The following CENPK variants were observed in gnomAD, a reference collection of about 807,000 sequenced individuals.
The protein encoded by CENPK is SoxLZ/Sox6-binding protein Solt.
A neutral mutation model predicts 40.9 loss-of-function variants in CENPK; 46 were observed. The ratio of observed to expected loss-of-function variants is 1.13; its 90% confidence interval spans 0.89 to 1.44. CENPK has a LOEUF of 1.44. Ranked by LOEUF, CENPK falls within the 40% of genes most tolerant of loss-of-function variation. The pLI is 0.00. For synonymous variants in CENPK, 107 were observed against 104.4 expected (o/e 1.02, Z -0.15); for missense variants, 288 against 303.5 (o/e 0.95, Z 0.38).
At chr5:65,546,501 C>A (rs1169231046) in intron 5 of CENPK, among the ~76,000 whole-genome samples, 1 of 152,176 alleles carries the variant, frequency 6.6e-6, no homozygotes, top group Non-Finnish European at 1.5e-5. Context: ...TTTGATATTG[C>A]AGAGAAGTCT....
At chr5:65,542,228 C>T (rs896172686) in intron 6 of CENPK, among the ~76,000 whole-genome samples, 3 of 152,104 alleles carry the variant, frequency 2.0e-5, no homozygotes, top group South Asian at 2.1e-4. Context: ...GGTCATTAAG[C>T]GATGTTTAAT....
intron 2 of CENPK, among the ~76,000 whole-genome samples, chr5:65,557,704 T>G (rs1751227661): frequency 6.6e-6 from 1 of 152,212 alleles, no homozygotes; most frequent in Admixed American, 6.5e-5. Context: ...TGCTGTGTCT[T>G]GTCTGAATTT....
downstream of CENPK, among the ~76,000 whole-genome samples, chr5:65,515,052 C>T (rs1742765944): frequency 6.6e-6 from 1 of 151,010 alleles, no homozygotes; most frequent in Non-Finnish European, 1.5e-5. Flanking sequence ...TTGATTTCTA[C>T]TCTATTTCTT....
chr5:65,533,635 A>G (rs1019300611), intron 6 of CENPK, among the ~76,000 whole-genome samples: 1 of 152,166 alleles, frequency 6.6e-6, no homozygotes, highest in Admixed American at 6.5e-5. Context: ...GATATGTAAA[A>G]CTGTGTTTGA....
Position 65,528,965 on chromosome 5 carries a change from G to T in CENPK, c.424C>A (p.Leu142Ile). 6.2e-7 allele frequency: 1 copy of T among 1,609,038 alleles called. No homozygotes were observed. The highest frequency in any genetic ancestry group is 8.5e-7 in the Non-Finnish European group (1 of 1,176,702). ...QQQIMESLNVLHSELKNKVET... is the reference protein window; with the variant it reads ...QQQIMESLNVIHSELKNKVET... ...ACCTTATTTTTCAATTCACTGTGTA[G>T]TACATTAAGAGATTCCATTATCTGT... Residue 142 changes from leucine (L) to isoleucine (I), a missense_variant, in exon 8 of 11, where the codon CTA (leucine) becomes ATA (isoleucine). Physicochemically the swap from Leu to Ile is conservative, Grantham distance 5. Transcript: ENST00000396679.
chr5:65,510,743 T>C, the CENPK span, among the ~76,000 whole-genome samples: 2 of 148,850 alleles, frequency 1.3e-5, no homozygotes, highest in Non-Finnish European at 3.0e-5. Flanking sequence ...GCCACTGCAC[T>C]CCAGCTTGGA....
chr5:65,533,750 T>A (rs1349854341), intron 6 of CENPK, among the ~76,000 whole-genome samples: 2 of 151,884 alleles, frequency 1.3e-5, no homozygotes, highest in African/African-American at 4.8e-5. Context: ...TAAATAAAAA[T>A]TGAAATTTAA....
intron 5 of CENPK, chr5:65,551,249 C>CAAAAAAA (rs58442174): frequency 5.3e-5 from 6 of 112,190 alleles, no homozygotes; most frequent in Admixed American, 1.7e-4. Flanking sequence ...GACCCTGTCT[C>CAAAAAAA]AAAAAAAAAA....
chr5:65,546,230 C>G lies in CENPK; in HGVS notation c.242-3382G>C, dbSNP rs375823337. ...ATGTTTTTGTTCTATTCTCCCCTGCCCCCCCGCTCAGGTGATCCACCAGCC... is the reference window on the plus strand; with the variant it reads ...ATGTTTTTGTTCTATTCTCCCCTGCGCCCCCGCTCAGGTGATCCACCAGCC... On this transcript the variant is annotated intron_variant, in intron 5 of 10. Transcript: ENST00000396679. Among the ~76,000 whole-genome samples, 134 of 127,590 alleles carry G rather than the reference C, an allele frequency of 1.1e-3. 1 individual carries two copies. The South Asian group carries it at 0.015, about 14-fold the overall frequency. 83.7% of individuals were successfully genotyped at this position (127,590 alleles called of 152,430 possible). A position where few individuals can be genotyped will look rare whatever the true frequency, so the allele number is the denominator to read the frequency against.
At chr5:65,517,083 A>C (rs576781573), downstream of CENPK, among the ~76,000 whole-genome samples, 1 of 152,178 alleles carries the variant, frequency 6.6e-6, no homozygotes, top group East Asian at 1.9e-4. Flanking sequence ...CTGGGATTAC[A>C]GGTGTGCACC....
rs535959505 is a variant in CENPK at position 65,521,174 on chromosome 5, T to A, written c.651+301A>T. ...ATACTAGATAACATCATTAAAAAAA[T>A]TTTTTCACCCTGTCAGCTCATGCCT... On this transcript the variant is annotated intron_variant, in intron 10 of 10. Coordinates refer to ENST00000396679, the MANE Select transcript of CENPK (RefSeq NM_022145.5). 2.4e-3 allele frequency among the ~76,000 whole-genome samples: 363 copies of A among 152,076 alleles called. 2 individuals carry two copies. The highest frequency in any genetic ancestry group is 8.4e-3 in the African/African-American group (348 of 41,486).
chr5:65,505,293 CT>C, the CENPK span, among the ~76,000 whole-genome samples: 1 of 152,114 alleles, frequency 6.6e-6, no homozygotes, highest in Non-Finnish European at 1.5e-5. Context: ...ACTATCCTTT[CT>C]CTTGGTATCT....
chr5:65,495,913 T>G, the CENPK span, among the ~76,000 whole-genome samples: 1 of 152,214 alleles, frequency 6.6e-6, no homozygotes, highest in Non-Finnish European at 1.5e-5. Flanking sequence ...CTGCTGGTGG[T>G]GGTATAAATT....
the CENPK span, among the ~76,000 whole-genome samples, chr5:65,508,522 T>C: frequency 2.0e-5 from 3 of 152,188 alleles, no homozygotes; most frequent in African/African-American, 7.2e-5. Flanking sequence ...CAGTGGCTCA[T>C]GCCTGTAAGC....
the CENPK span, among the ~76,000 whole-genome samples, chr5:65,508,771 G>C: frequency 7.9e-6 from 1 of 126,610 alleles, no homozygotes; most frequent in African/African-American, 3.0e-5. Flanking sequence ...GGGTGCGACA[G>C]AGCAAGACTC....
intron 2 of CENPK, 49 bp from the exon 3 acceptor site, chr5:65,554,995 TTACC>T: frequency 1.3e-6 from 1 of 797,866 alleles, no homozygotes; most frequent in South Asian, 1.4e-5. Flanking sequence ...TGAACACTTA[TTACC>T]TGCCAGATAC....
At chr5:65,539,836 A>G (rs190029407) in intron 6 of CENPK, among the ~76,000 whole-genome samples, 4 of 152,306 alleles carry the variant, frequency 2.6e-5, no homozygotes, top group Admixed American at 2.0e-4. Context: ...CCTGGAGGAG[A>G]TATGACCCTC....
chr5:65,538,737 C>T (rs1747411111), intron 6 of CENPK, among the ~76,000 whole-genome samples: 1 of 152,172 alleles, frequency 6.6e-6, no homozygotes, highest in South Asian at 2.1e-4. Context: ...CTGCACACCA[C>T]CCCTATTAAC....
In CENPK at chr5:65,534,050, CAAAAAAA is replaced by C. The variant is rs60018569; in HGVS notation, c.289-4858_289-4852del. Among the ~76,000 whole-genome samples, 25 of 90,994 alleles carry C rather than the reference CAAAAAAA, an allele frequency of 2.7e-4. No homozygotes were observed. In the Admixed American group the frequency reaches 2.8e-3, roughly 10 times the overall value. 59.7% of individuals were successfully genotyped at this position (90,994 alleles called of 152,430 possible). ...GTGACAGAGCGAGACACCGTCTCAA[CAAAAAAA>C]AAAAAAAAAAAAGGAAAAAGAAAAA... On this transcript the variant is annotated intron_variant, in intron 6 of 10. Coordinates refer to ENST00000396679, the MANE Select transcript of CENPK (RefSeq NM_022145.5).
Sources: allele counts gnomAD v4.1 joint callset (sites outside exome capture counted in the v4.1 genomes callset), GRCh38; gene constraint gnomAD v4.1.1; transcripts MANE v1.5; gene names NCBI Gene and HGNC (gene_info 2026-07-23, HGNC 2026-07-21).